FRMD6: variants seen among roughly 807,000 people sequenced by gnomAD.
The protein encoded by FRMD6 is FERM domain containing 6.
A neutral mutation model predicts 73.2 loss-of-function variants in FRMD6; 37 were observed. That is an observed-to-expected ratio of 0.51 (90% CI 0.39 to 0.66). FRMD6 has a LOEUF of 0.66. FRMD6 is among the 30% of genes least tolerant of loss of function. The pLI, the probability that FRMD6 is intolerant of heterozygous loss-of-function variation, is 0.00. For synonymous variants in FRMD6, 273 were observed against 282.2 expected, an observed-to-expected ratio of 0.97 and a Z score of 0.33; for missense variants, 714 against 780.5, an observed-to-expected ratio of 0.91 and a Z score of 1.02.
the FRMD6 span, among the ~76,000 whole-genome samples, chr14:51,422,254 A>G: frequency 3.3e-5 from 5 of 152,210 alleles, no homozygotes; most frequent in African/African-American, 1.2e-4. Context: ...TTTCCCCCTT[A>G]CTTACCATTA....
At chr14:51,504,644 C>G (rs756196653) in intron 1 of FRMD6, among the ~76,000 whole-genome samples, 6 of 152,176 alleles carry the variant, frequency 3.9e-5, no homozygotes, top group Non-Finnish European at 2.9e-5. Flanking sequence ...TCCTCTTTCT[C>G]TGGTGGGTTA....
intron 2 of FRMD6, among the ~76,000 whole-genome samples, chr14:51,618,352 G>A (rs1566506093): frequency 6.6e-6 from 1 of 152,210 alleles, no homozygotes; most frequent in South Asian, 2.1e-4. Flanking sequence ...AGGGAAAAGC[G>A]GCAAGAGATC....
chr14:51,710,310 G>A (rs75955007), intron 7 of FRMD6, among the ~76,000 whole-genome samples: 4,160 of 152,146 alleles, frequency 0.027, 191 homozygotes, highest in African/African-American at 0.095. Flanking sequence ...TCATTTAGGA[G>A]CTGCTCATAA....
intron 7 of FRMD6, among the ~76,000 whole-genome samples, chr14:51,709,626 G>C (rs1188675684): frequency 6.6e-6 from 1 of 152,064 alleles, no homozygotes; most frequent in Admixed American, 6.6e-5. Context: ...AGGCATAATT[G>C]AGTTCCATAA....
At chr14:51,460,670 A>G in the FRMD6 span, among the ~76,000 whole-genome samples, 1 of 152,210 alleles carries the variant, frequency 6.6e-6, no homozygotes, top group Non-Finnish European at 1.5e-5. Flanking sequence ...CATCAGGTTG[A>G]TTTCAAGAAA....
intron 3 of FRMD6, among the ~76,000 whole-genome samples, chr14:51,700,658 C>T (rs1896253210): frequency 6.6e-6 from 1 of 151,950 alleles, no homozygotes; most frequent in African/African-American, 2.4e-5. Context: ...TTCTGCCCTG[C>T]TTTATTATTT....
chr14:51,501,092 G>T (rs938413020), intron 1 of FRMD6, among the ~76,000 whole-genome samples: 2 of 152,114 alleles, frequency 1.3e-5, no homozygotes, highest in Admixed American at 6.5e-5. Flanking sequence ...TAACAATTGG[G>T]CTTAGAATTA....
At chr14:51,661,317 A>C (rs1937726457) in intron 1 of FRMD6, among the ~76,000 whole-genome samples, 1 of 152,178 alleles carries the variant, frequency 6.6e-6, no homozygotes, top group South Asian at 2.1e-4. Context: ...CACACACATA[A>C]TCCAAGAAGT....
chr14:51,620,807 T>A (rs1251983740), intron 2 of FRMD6, among the ~76,000 whole-genome samples: 1 of 152,198 alleles, frequency 6.6e-6, no homozygotes, highest in Non-Finnish European at 1.5e-5. Context: ...CACTGCAAGC[T>A]GCTATGGGCC....
At chr14:51,474,226 G>C in the FRMD6 span, among the ~76,000 whole-genome samples, 1 of 152,204 alleles carries the variant, frequency 6.6e-6, no homozygotes, top group African/African-American at 2.4e-5. Flanking sequence ...ACGCTGGGGT[G>C]CTTATTTGTC....
the FRMD6 span, chr14:51,436,341 C>A: frequency 2.6e-6 from 1 of 391,646 alleles, no homozygotes; most frequent in Non-Finnish European, 4.9e-6. Context: ...TGTTAACCAT[C>A]CAAAAGTGTC....
chr14:51,679,778 T>C (rs1298714519), intron 1 of FRMD6, among the ~76,000 whole-genome samples: 1 of 152,160 alleles, frequency 6.6e-6, no homozygotes, highest in Non-Finnish European at 1.5e-5. Context: ...AGAATTATGC[T>C]TATTACTGTT....
intron 2 of FRMD6, among the ~76,000 whole-genome samples, chr14:51,586,582 A>G (rs1889064231): frequency 6.6e-6 from 1 of 150,790 alleles, no homozygotes; most frequent in Non-Finnish European, 1.5e-5. Flanking sequence ...AATTTAATTA[A>G]CTCTCATTTG....
intron 1 of FRMD6, among the ~76,000 whole-genome samples, chr14:51,552,511 C>T (rs1338358788): frequency 1.3e-5 from 2 of 152,222 alleles, no homozygotes; most frequent in African/African-American, 4.8e-5. Flanking sequence ...GAACCCACTG[C>T]AGTCACTCTG....
At chr14:51,407,155 T>C in the FRMD6 span, among the ~76,000 whole-genome samples, 1 of 150,636 alleles carries the variant, frequency 6.6e-6, no homozygotes, top group Non-Finnish European at 1.5e-5. Flanking sequence ...TGTAGTATTA[T>C]TTTTTTTAAA....
intron 13 of FRMD6, among the ~76,000 whole-genome samples, chr14:51,726,811 A>C (rs1897982149): frequency 6.6e-6 from 1 of 152,082 alleles, no homozygotes; most frequent in Admixed American, 6.6e-5. Context: ...ACAAGGGATC[A>C]CTCGGATGTG....
the FRMD6 span, among the ~76,000 whole-genome samples, chr14:51,470,239 C>T: frequency 3.3e-5 from 5 of 152,020 alleles, no homozygotes; most frequent in Non-Finnish European, 7.4e-5. Context: ...AGCTTTTGGG[C>T]GGGGCATGGT....
At chr14:51,616,123 T>C (rs1390183833) in intron 2 of FRMD6, among the ~76,000 whole-genome samples, 1 of 151,658 alleles carries the variant, frequency 6.6e-6, no homozygotes, top group Non-Finnish European at 1.5e-5. Flanking sequence ...AGGTTGGGGG[T>C]GGATGTAGAA....
the FRMD6 span, among the ~76,000 whole-genome samples, chr14:51,451,675 T>C: frequency 6.6e-6 from 1 of 152,222 alleles, no homozygotes; most frequent in Non-Finnish European, 1.5e-5. Flanking sequence ...GCCATCACAC[T>C]TGGTCTCTCA....
Sources: gnomAD v4.1 joint callset for allele counts (sites outside exome capture counted in the v4.1 genomes callset) on GRCh38, gnomAD v4.1.1 for gene constraint, MANE v1.5 for transcripts, NCBI Gene and HGNC (gene_info 2026-07-23, HGNC 2026-07-21) for gene names.